Variants in ATP8B2 observed in about 807,000 individuals in gnomAD.
ATP8B2 encodes the protein ATPase phospholipid transporting 8B2, also known as phospholipid-transporting ATPase ID.
In ATP8B2, 70 loss-of-function variants were observed where a neutral mutation model predicts 133.4. That is an observed-to-expected ratio of 0.52 (90% CI 0.43 to 0.64). ATP8B2 has a LOEUF of 0.64. ATP8B2 is among the 30% of genes least tolerant of loss of function. The pLI is 0.00. For missense variants in ATP8B2, 1,101 were observed against 1,535.7 expected, an observed-to-expected ratio of 0.72 and a Z score of 4.73; for synonymous variants, 517 against 589.5, an observed-to-expected ratio of 0.88 and a Z score of 1.78.
intron 26 of ATP8B2, among the ~76,000 whole-genome samples, chr1:154,348,068 A>G (rs1449278868): frequency 6.6e-6 from 1 of 152,164 alleles, no homozygotes; most frequent in African/African-American, 2.4e-5. Context: ...ATCAAGATCC[A>G]TTGCAGGGTT....
In ATP8B2 at chr1:154,330,414, G is replaced by A. The variant is rs759176827; in HGVS notation, c.50G>A (p.Arg17Gln). The change falls in exon 3 of 28, where the codon CGG (arginine) becomes CAG (glutamine). Residue 17 changes from arginine to glutamine, a missense_variant. Physicochemically the swap from Arg to Gln is conservative, Grantham distance 43 (BLOSUM62 1). Transcript: ENST00000368489. ...GTTGCAGAAGAAGAAAGGAGGGCGCGGGCTAATGACCGAGAATACAATGAG... is the reference window on the plus strand; with the variant it reads ...GTTGCAGAAGAAGAAAGGAGGGCGCAGGCTAATGACCGAGAATACAATGAG... ...KRPPEEERRA[R>Q]ANDREYNEKF... is the part of the protein sequence containing the mutation. 18 of 1,614,056 alleles carry A rather than the reference G, an allele frequency of 1.1e-5. No homozygotes were observed. The highest frequency in any genetic ancestry group is 1.4e-5 in the Non-Finnish European group (17 of 1,180,006).
chr1:154,342,442 T>G (rs753521487), intron 13 of ATP8B2, 38 bp from the exon 14 acceptor site: 1 of 1,607,226 alleles, frequency 6.2e-7, no homozygotes, highest in Non-Finnish European at 8.5e-7. Flanking sequence ...GCTCTCTGGC[T>G]CTGACATTGC....
intron 8 of ATP8B2, 87 bp downstream of exon 8, chr1:154,332,111 C>T: frequency 7.0e-7 from 1 of 1,422,118 alleles, no homozygotes; most frequent in Non-Finnish European, 9.9e-7. Flanking sequence ...CAGGCCTGGG[C>T]TCTGTCTGAA....
chr1:154,346,983 G>A lies in ATP8B2; in HGVS notation c.3163+225G>A, dbSNP rs753887062. On this transcript the variant is annotated intron_variant, in intron 26 of 27. Transcript: ENST00000368489. The surrounding 1 kb of genome is among the most constrained non-coding windows in gnomAD (Gnocchi z 4.5). ...CGACTCACTGCAGCCTCTGCCTCCC[G>A]GGTTCAAGCGATTCTCATGCCTCAG... 1.8e-4 allele frequency among the ~76,000 whole-genome samples: 28 copies of A among 152,082 alleles called. No individual in the cohort carries two copies. The highest frequency in any genetic ancestry group is 3.7e-4 in the Non-Finnish European group (25 of 68,012).
rs1263053616 is a variant in ATP8B2, at chr1:154,330,255, G to A, written c.32-141G>A. ...GGCTGCTGGTGAGAGGTGGACTGGAGGGAAGAATTTGATGACCCCCTCAGT... is the reference window on the plus strand; with the variant it reads ...GGCTGCTGGTGAGAGGTGGACTGGAAGGAAGAATTTGATGACCCCCTCAGT... On this transcript the variant is annotated intron_variant, in intron 2 of 27. Transcript: ENST00000368489. The A allele has an allele frequency of 3.9e-5, 26 of 665,246 alleles. No individual in the cohort carries two copies. In the South Asian group the frequency reaches 4.4e-4, roughly 11 times the overall value. The allele number at this position is 665,246 out of a possible 1,614,324, so 41.2% of individuals were successfully genotyped here. A position where few individuals can be genotyped will look rare whatever the true frequency, so the allele number is the denominator to read the frequency against.
chr1:154,344,531 G>A lies in ATP8B2; in HGVS notation c.2141+31G>A, dbSNP rs754182555. ...CAAGAAGCCCAGGGGAGGCGGTGCT[G>A]TGCGTTGTGCCCAGGGCTCAGGTGG... On this transcript the variant is annotated intron_variant, in intron 20 of 27. Transcript: ENST00000368489. The surrounding 1 kb of genome is among the most constrained non-coding windows in gnomAD (Gnocchi z 4.1). 2 of 1,614,052 alleles carry A rather than the reference G, an allele frequency of 1.2e-6. No individual in the cohort carries two copies. The highest frequency in any genetic ancestry group is 1.3e-5 in the African/African-American group (1 of 75,028).
chr1:154,332,712 AG>A lies in ATP8B2; in HGVS notation c.589+17del, dbSNP rs561991401. The A allele has an allele frequency of 7.3e-4, 1,136 of 1,554,032 alleles. 6 individuals carry two copies. In the African/African-American group the frequency reaches 0.013, roughly 18 times the overall value. ...CAAGTTTGACGGTGAGTAATTTTGG[AG>A]GAGCAGCCTGAAGGTAGAGGAGTGG... On this transcript the variant is annotated intron_variant, in intron 9 of 27. Transcript: ENST00000368489.
At position 154,344,488 on chromosome 1, in the gene ATP8B2, G is replaced by A. The variant is rs769777681; in HGVS notation, c.2129G>A (p.Arg710Gln). Residue 710 changes from arginine (R) to glutamine (Q), a missense_variant, in exon 20 of 28, where the codon CGG becomes CAG. Physicochemically the swap from Arg to Gln is conservative, Grantham distance 43. Coordinates refer to ENST00000368489, the MANE Select transcript of ATP8B2 (RefSeq NM_001370597.1). The surrounding 1 kb of genome is among the most constrained non-coding windows in gnomAD (Gnocchi z 4.1). ...IVTGHTVLEV[R>Q]EELRKAREKM... ...ACTGGCCATACTGTCCTGGAGGTGC[G>A]GGAGGAGCTCAGGTAAACAAGAAGC... 1.6e-5 allele frequency: 26 copies of A among 1,613,976 alleles called. No individual in the cohort carries two copies. Among genetic ancestry groups the A allele is most frequent in the South Asian group, 7.7e-5 (7 of 91,074 alleles).
In ATP8B2 at chr1:154,346,903, A is replaced by T; in HGVS notation, c.3163+145A>T. On this transcript the variant is annotated intron_variant, in intron 26 of 27. Transcript: ENST00000368489. The surrounding 1 kb of genome is among the most constrained non-coding windows in gnomAD (Gnocchi z 4.5). ...TTTATTTATTTATTTATTTTCGAGAAGGAGTCTTGCCCAGGCTGGAGTGCA... is the reference window on the plus strand; with the variant it reads ...TTTATTTATTTATTTATTTTCGAGATGGAGTCTTGCCCAGGCTGGAGTGCA... 1 of 868,236 alleles carries T rather than the reference A, an allele frequency of 1.2e-6. No individual in the cohort carries two copies. Among genetic ancestry groups the T allele is most frequent in the Non-Finnish European group, 1.6e-6 (1 of 622,050 alleles). The allele number at this position is 868,236 out of a possible 1,614,324, so 53.8% of individuals were successfully genotyped here.
At chr1:154,347,801 T>C (rs1405302802) in intron 26 of ATP8B2, among the ~76,000 whole-genome samples, 1 of 151,900 alleles carries the variant, frequency 6.6e-6, no homozygotes, top group Non-Finnish European at 1.5e-5. Context: ...TTAGCCGGAC[T>C]TGGTGGCACA....
chr1:154,326,600 C>A (rs1205859046), intron 1 of ATP8B2, among the ~76,000 whole-genome samples: 2 of 152,190 alleles, frequency 1.3e-5, no homozygotes, highest in South Asian at 2.1e-4. Flanking sequence ...ATGGCCCCCC[C>A]AGAGGGGATG....
In ATP8B2 at chr1:154,327,654, G is replaced by C. The variant is rs939717104; in HGVS notation, c.-37-451G>C. On this transcript the variant is annotated intron_variant, in intron 1 of 27. Transcript: ENST00000368489. ...TTATAAGCCTTTCGAGAAGGGTGGAGCCTGCCCACCCTGTTTCCTGATGCC... is the reference window on the plus strand; with the variant it reads ...TTATAAGCCTTTCGAGAAGGGTGGACCCTGCCCACCCTGTTTCCTGATGCC... The C allele has an allele frequency of 1.9e-5, 15 of 773,808 alleles. No homozygotes were observed. In the East Asian group the frequency reaches 3.2e-4, roughly 16 times the overall value. The allele number at this position is 773,808 out of a possible 1,614,324, so 47.9% of individuals were successfully genotyped here. A position where few individuals can be genotyped will look rare whatever the true frequency, so the allele number is the denominator to read the frequency against.
intron 12 of ATP8B2, among the ~76,000 whole-genome samples, chr1:154,339,275 C>T (rs1686296554): frequency 6.6e-6 from 1 of 152,180 alleles, no homozygotes; most frequent in Non-Finnish European, 1.5e-5. Flanking sequence ...TTAGTCCTGC[C>T]TCCTCACTGG....
Position 154,344,655 on chromosome 1 carries a change from A to C in ATP8B2, c.2156A>C (p.Lys719Thr), listed in dbSNP as rs1030945347. 6.2e-7 allele frequency: 1 copy of C among 1,608,752 alleles called. No homozygotes were observed. The highest frequency in any genetic ancestry group is 1.3e-5 in the African/African-American group (1 of 74,820). Residue 719 changes from lysine (K) to threonine (T), a missense_variant, in exon 21 of 28, where the codon AAG becomes ACG. Transcript: ENST00000368489. The surrounding 1 kb of genome is among the most constrained non-coding windows in gnomAD (Gnocchi z 4.1). ...CACCTCGACAGGAAAGCCCGGGAGAAGATGATGGACTCATCCCGCTCCGTA... is the reference window on the plus strand; with the variant it reads ...CACCTCGACAGGAAAGCCCGGGAGACGATGATGGACTCATCCCGCTCCGTA... ...VREELRKARE[K>T]MMDSSRSVGN...
intron 2 of ATP8B2, chr1:154,329,180 T>G: frequency 9.4e-7 from 1 of 1,059,818 alleles, no homozygotes; most frequent in Non-Finnish European, 1.2e-6. Context: ...TTGATCCTCT[T>G]TCCAGACCCA....
chr1:154,347,153 G>A (rs548745241), intron 26 of ATP8B2, among the ~76,000 whole-genome samples: 1 of 152,312 alleles, frequency 6.6e-6, no homozygotes, highest in East Asian at 1.9e-4. Flanking sequence ...GCCTCCCAAA[G>A]TGCTGGGATT....
At position 154,332,681 on chromosome 1, in the gene ATP8B2, G is replaced by T; in HGVS notation, c.573G>T (p.Lys191Asn). Residue 191 changes from lysine (K) to asparagine (N), a missense_variant, in exon 9 of 28, where the codon AAG (lysine) becomes AAT (asparagine). Coordinates refer to ENST00000368489, the MANE Select transcript of ATP8B2 (RefSeq NM_001370597.1). ...PVTSELGDIS[K>N]LAKFDGEVIC... ...CCTCAGAATTGGGAGACATCAGTAA[G>T]CTTGCCAAGTTTGACGGTGAGTAAT... 6.3e-7 allele frequency: 1 copy of T among 1,579,802 alleles called. No individual in the cohort carries two copies. The highest frequency in any genetic ancestry group is 8.6e-7 in the Non-Finnish European group (1 of 1,161,274).
chr1:154,326,418 T>C (rs1002939046), intron 1 of ATP8B2, among the ~76,000 whole-genome samples: 1 of 152,114 alleles, frequency 6.6e-6, no homozygotes, highest in Non-Finnish European at 1.5e-5. Flanking sequence ...TTGCCGGGGC[T>C]GGCTATTTTT....
Position 154,331,596 on chromosome 1 carries a change from G to A in ATP8B2, c.366-10G>A, listed in dbSNP as rs375676214. 27 of 1,614,014 alleles carry A rather than the reference G, an allele frequency of 1.7e-5. No individual in the cohort carries two copies. The highest frequency in any genetic ancestry group is 4.0e-5 in the African/African-American group (3 of 74,912). On this transcript the variant is annotated splice_polypyrimidine_tract_variant and intron_variant, in intron 6 of 27. Coordinates refer to ENST00000368489, the MANE Select transcript of ATP8B2 (RefSeq NM_001370597.1). This position sits in a 1 kb window ranked among gnomAD's most constrained non-coding sequence, Gnocchi z 4.8. The stretch of plus-strand genomic sequence containing the variant: ...CTGACAGCCTCTTCACTGTCTTCTC[G>A]TTGCCTCAGCCTCCAGCAGGAGCAG...
Sources: allele counts gnomAD v4.1 joint callset (sites outside exome capture counted in the v4.1 genomes callset), GRCh38; gene constraint gnomAD v4.1.1; non-coding constraint Gnocchi (gnomAD v3.1); transcripts MANE v1.5; gene names NCBI Gene and HGNC (gene_info 2026-07-23, HGNC 2026-07-21).